The following DOCK4 variants were observed in gnomAD, a reference collection of about 807,000 sequenced individuals.
DOCK4 encodes the protein dedicator of cytokinesis protein 4.
DOCK4 carries 97 observed loss-of-function variants against 268.1 expected under a neutral mutation model. The ratio of observed to expected loss-of-function variants is 0.36; its 90% CI spans 0.31 to 0.43. The LOEUF is 0.43. Among genes scored for constraint, DOCK4 ranks in the 20% least tolerant of loss-of-function variants. The probability of loss-of-function intolerance (pLI) is 1.00; values close to 1 mark genes in which losing one functional copy is unlikely to be tolerated. For missense variants in DOCK4, 2,145 were observed against 2,455.7 expected (o/e 0.87, Z 2.67); for synonymous variants, 954 against 887.2 (o/e 1.08, Z -1.34).
rs1287972270 is a variant in DOCK4 at position 112,058,026 on chromosome 7, T to TTG, written c.38-53896_38-53895insCA. Among the ~76,000 whole-genome samples, 367 of 73,234 alleles carry TTG rather than the reference T, an allele frequency of 5.0e-3. 1 individual carries two copies. The highest frequency in any genetic ancestry group is 0.039 in the African/African-American group (348 of 9,000). 48.0% of individuals were successfully genotyped at this position (73,234 alleles called of 152,430 possible). A position where few individuals can be genotyped will look rare whatever the true frequency, so the allele number is the denominator to read the frequency against. ...CACATTTTGGAAGTACAGGTTCAAT[T>TTG]TTTTTTTTTTTTTTTTTTTTTTTTA... On this transcript the variant is annotated intron_variant, in intron 1 of 52. Transcript: ENST00000428084.
chr7:111,782,020 T>C (rs1798815855), intron 35 of DOCK4, among the ~76,000 whole-genome samples: 1 of 152,112 alleles, frequency 6.6e-6, no homozygotes, highest in African/African-American at 2.4e-5. Context: ...AAAGAAACCA[T>C]GAGATTCACA....
chr7:111,997,531 A>T lies in DOCK4; in HGVS notation c.218+917T>A, dbSNP rs150828541. On this transcript the variant is annotated intron_variant, in intron 4 of 52. Transcript: ENST00000428084. The stretch of plus-strand genomic sequence containing the variant: ...TTTCCCTGAACTGAAATTTAATATC[A>T]TATCTTTATTGAGGAGGAAATTATT... Among the ~76,000 whole-genome samples, 298 of 152,300 alleles carry T rather than the reference A, an allele frequency of 2.0e-3. 2 individuals are homozygous for T. Among genetic ancestry groups the T allele is most frequent in the African/African-American group, 6.8e-3 (283 of 41,566 alleles).
chr7:111,731,341 A>G (rs141915341), intron 52 of DOCK4, among the ~76,000 whole-genome samples: 1 of 152,176 alleles, frequency 6.6e-6, no homozygotes, highest in Admixed American at 6.5e-5. Flanking sequence ...ACCTGCCCCT[A>G]TGTGTTTGTA....
chr7:111,790,628 G>A (rs544340464), intron 30 of DOCK4, 23 bp from the exon 31 acceptor site: 23 of 1,566,202 alleles, frequency 1.5e-5, no homozygotes, highest in Non-Finnish European at 1.9e-5. Context: ...AAATATTTGA[G>A]TTTCAATATA....
chr7:111,999,125 C>G (rs1395558231), intron 3 of DOCK4, among the ~76,000 whole-genome samples: 1 of 151,822 alleles, frequency 6.6e-6, no homozygotes, highest in Non-Finnish European at 1.5e-5. Flanking sequence ...TTTCTTTGTT[C>G]TAAATGGGAA....
chr7:111,926,831 AAAAG>A (rs1793742871), intron 12 of DOCK4, among the ~76,000 whole-genome samples: 2 of 151,764 alleles, frequency 1.3e-5, no homozygotes, highest in African/African-American at 4.8e-5. Context: ...AGGCAAAGAA[AAAAG>A]AAAGAAAGAG....
Position 111,872,079 on chromosome 7 carries a change from T to G in DOCK4, c.1938A>C (p.Ile646=). 1 of 1,542,748 alleles carries G rather than the reference T, an allele frequency of 6.5e-7. No homozygotes were observed. The highest frequency in any genetic ancestry group is 8.7e-7 in the Non-Finnish European group (1 of 1,144,696). The change falls in exon 20 of 53, where the codon ATA becomes ATC. Residue 646 remains isoleucine (I), a synonymous_variant. Transcript: ENST00000428084. ...SKVFDSLVHI[I]NLLQDSKFHH... Reference sequence around the variant, plus strand: ...GAAATTTGCTATCTTGCAGCAAATTTATTATGTGAACCTAAAAAAAGAAAA... The same window carrying G: ...GAAATTTGCTATCTTGCAGCAAATTGATTATGTGAACCTAAAAAAAGAAAA...
At chr7:111,744,157 G>A (rs148982410) in intron 44 of DOCK4, among the ~76,000 whole-genome samples, 1 of 152,332 alleles carries the variant, frequency 6.6e-6, no homozygotes, top group African/African-American at 2.4e-5. Flanking sequence ...AGTATGGGAT[G>A]TGCACCACTG....
At chr7:112,186,053 G>C (rs1198837634) in intron 1 of DOCK4, among the ~76,000 whole-genome samples, 1 of 152,178 alleles carries the variant, frequency 6.6e-6, no homozygotes, top group Non-Finnish European at 1.5e-5. Context: ...GGCTAGGCCA[G>C]GGGGCAACTT....
intron 23 of DOCK4, among the ~76,000 whole-genome samples, chr7:111,849,024 A>G (rs1364709605): frequency 6.6e-6 from 1 of 152,206 alleles, no homozygotes; most frequent in Non-Finnish European, 1.5e-5. Flanking sequence ...CAAACCCAGA[A>G]GACTTTGTAA....
intron 15 of DOCK4, among the ~76,000 whole-genome samples, chr7:111,896,494 T>G (rs1808763355): frequency 6.6e-6 from 1 of 151,204 alleles, no homozygotes; most frequent in Non-Finnish European, 1.5e-5. Context: ...AAGGTTTTTT[T>G]TTTTTTTTTT....
At chr7:112,196,463 A>G (rs546045518) in intron 1 of DOCK4, among the ~76,000 whole-genome samples, 61 of 152,308 alleles carry the variant, frequency 4.0e-4, no homozygotes, top group African/African-American at 1.5e-3. Context: ...GTGAAGTGGC[A>G]TCTTCTATAG....
intron 1 of DOCK4, among the ~76,000 whole-genome samples, chr7:112,126,421 A>C (rs1450062785): frequency 1.3e-5 from 2 of 152,170 alleles, no homozygotes; most frequent in Admixed American, 1.3e-4. Flanking sequence ...CTGACTTCCA[A>C]TTCCTCATAT....
At chr7:111,844,648 C>T (rs1803950101) in intron 25 of DOCK4, 115 bp downstream of exon 25, 4 of 1,311,040 alleles carry the variant, frequency 3.1e-6, no homozygotes, top group African/African-American at 1.5e-5. Flanking sequence ...TTTTGAAATG[C>T]TGATGGGTTA....
chr7:111,976,269 T>TTATATATACATA (rs1798188650), intron 8 of DOCK4, among the ~76,000 whole-genome samples: 2 of 33,138 alleles, frequency 6.0e-5, no homozygotes, highest in Non-Finnish European at 5.3e-5. Flanking sequence ...TGTGTGTCTA[T>TTATATATACATA]TATATATATA....
At position 111,877,118 on chromosome 7, in the gene DOCK4, GA is replaced by G; in HGVS notation, c.1655del (p.Phe552SerfsTer9). 1.3e-6 allele frequency: 2 copies of G among 1,592,726 alleles called. No individual in the cohort carries two copies. The highest frequency in any genetic ancestry group is 1.8e-5 in the Admixed American group (1 of 56,700). Reference protein sequence around the residue: ...YLKLPFSKGIFLGNNNQAMKA... With the variant: ...YLKLPFSKGIXLGNNNQAMKA... The stretch of plus-strand genomic sequence containing the variant: ...TCATGGCTTGATTATTATTCCCAAG[GA>G]AAATGCCCTTGGAAAAGGGAAGTTT... On this transcript the variant is annotated frameshift_variant, in exon 17 of 53. Coordinates refer to ENST00000428084, the MANE Select transcript of DOCK4 (RefSeq NM_001363540.2). LOFTEE classifies it high-confidence loss of function.
intron 21 of DOCK4, 103 bp from the exon 22 acceptor site, chr7:111,868,257 T>C (rs1279971869): frequency 5.5e-6 from 5 of 914,134 alleles, no homozygotes; most frequent in Non-Finnish European, 7.9e-6. Flanking sequence ...AACTTTTACA[T>C]TATTCATGTA....
chr7:111,861,891 T>A, intron 23 of DOCK4, among the ~76,000 whole-genome samples: 1 of 152,084 alleles, frequency 6.6e-6, no homozygotes, highest in Middle Eastern at 3.4e-3. Flanking sequence ...TAAAGCTATG[T>A]AATAAAGGAA....
At chr7:111,923,419 T>C (rs1449962245) in intron 12 of DOCK4, among the ~76,000 whole-genome samples, 1 of 152,244 alleles carries the variant, frequency 6.6e-6, no homozygotes, top group Non-Finnish European at 1.5e-5. Flanking sequence ...CTGTAACTGC[T>C]GCTAAGACTA....
Sources: gnomAD v4.1 joint callset for allele counts (sites outside exome capture counted in the v4.1 genomes callset) on GRCh38, gnomAD v4.1.1 for gene constraint, MANE v1.5 for transcripts, NCBI Gene and HGNC (gene_info 2026-07-23, HGNC 2026-07-21) for gene names.